The following KIAA1328 variants were observed in gnomAD, a reference collection of about 807,000 sequenced individuals.
The protein encoded by KIAA1328 is KIAA1328.
Under a neutral mutation model 68.1 loss-of-function variants are expected in KIAA1328, and 52 were observed. That is an observed-to-expected ratio of 0.76 (90% CI 0.61 to 0.96). KIAA1328 has a LOEUF of 0.96. KIAA1328 is among the 40% of genes least tolerant of loss of function. The pLI is 0.00. For missense variants in KIAA1328, 641 were observed against 677.6 expected (o/e 0.95, Z 0.60); for synonymous variants, 232 against 239.4 (o/e 0.97, Z 0.28).
intron 6 of KIAA1328, among the ~76,000 whole-genome samples, chr18:36,961,540 GA>G (rs947198039): frequency 3.3e-5 from 5 of 152,074 alleles, no homozygotes; most frequent in African/African-American, 1.2e-4. Flanking sequence ...TGAAATGAAG[GA>G]AAAAATGTTA....
chr18:37,189,724 A>C (rs567266621), intron 9 of KIAA1328, among the ~76,000 whole-genome samples: 1 of 152,144 alleles, frequency 6.6e-6, no homozygotes, highest in Non-Finnish European at 1.5e-5. Flanking sequence ...GGCTATTTAT[A>C]TGGGTTAGGG....
rs150041236 is a variant in KIAA1328 at position 37,205,847 on chromosome 18, G to C, written c.1524-16170G>C. Among the ~76,000 whole-genome samples the C allele has an allele frequency of 2.9e-3, 437 of 152,228 alleles. 3 individuals carry two copies. The highest frequency in any genetic ancestry group is 0.01 in the African/African-American group (418 of 41,548). On this transcript the variant is annotated intron_variant, in intron 9 of 9. Transcript: ENST00000280020. ...ATGAGGTCCAGCAGGGCATTAAAAGGGTATTGTCTAATATTGGGTAAAGGT... is the reference window on the plus strand; with the variant it reads ...ATGAGGTCCAGCAGGGCATTAAAAGCGTATTGTCTAATATTGGGTAAAGGT...
At chr18:37,193,619 C>A (rs189103774) in intron 9 of KIAA1328, 1 of 702,586 alleles carries the variant, frequency 1.4e-6, no homozygotes, top group Admixed American at 2.0e-5. Context: ...GATCTGCTTC[C>A]TTTCAAATCA....
At chr18:37,227,499 A>G (rs1188876321), downstream of KIAA1328, among the ~76,000 whole-genome samples, 1 of 152,218 alleles carries the variant, frequency 6.6e-6, no homozygotes, top group East Asian at 1.9e-4. Context: ...GCCAATGCCC[A>G]TTTACAATTC....
chr18:37,216,998 T>G (rs892360125), intron 9 of KIAA1328, among the ~76,000 whole-genome samples: 50 of 150,240 alleles, frequency 3.3e-4, no homozygotes, highest in East Asian at 3.9e-4. Flanking sequence ...TTGTTTGTTT[T>G]TTTTTTGCTT....
In KIAA1328 at chr18:37,224,425, T is replaced by C; in HGVS notation, c.*2198T>C. 1 of 985,402 alleles carries C rather than the reference T, an allele frequency of 1.0e-6. No homozygotes were observed. Among genetic ancestry groups the C allele is most frequent in the Non-Finnish European group, 1.2e-6 (1 of 829,926 alleles). 61.0% of individuals were successfully genotyped at this position (985,402 alleles called of 1,614,324 possible). On this transcript the variant is annotated 3_prime_UTR_variant, in exon 10 of 10. Transcript: ENST00000280020. ...GCAGAGATGGGCTTTCAGCAGAATATCAACCAATACATTTTTCACATGCAA... is the reference window on the plus strand; with the variant it reads ...GCAGAGATGGGCTTTCAGCAGAATACCAACCAATACATTTTTCACATGCAA...
At chr18:36,954,192 C>CG (rs946732601) in intron 5 of KIAA1328, among the ~76,000 whole-genome samples, 9 of 151,774 alleles carry the variant, frequency 5.9e-5, no homozygotes, top group Admixed American at 5.3e-4. Flanking sequence ...TTAGTAGAGA[C>CG]GGGGTTTCAC....
chr18:37,022,541 G>A (rs570194093), intron 6 of KIAA1328, among the ~76,000 whole-genome samples: 45 of 152,248 alleles, frequency 3.0e-4, no homozygotes, highest in African/African-American at 9.4e-4. Context: ...CTTACAGAAG[G>A]CTGATATTTA....
chr18:36,984,184 A>G (rs2052811950), intron 6 of KIAA1328, among the ~76,000 whole-genome samples: 1 of 152,186 alleles, frequency 6.6e-6, no homozygotes, highest in African/African-American at 2.4e-5. Flanking sequence ...GGTTTCCCCC[A>G]GTGGTCAGGA....
At chr18:37,062,007 C>T (rs572181647) in intron 6 of KIAA1328, among the ~76,000 whole-genome samples, 1 of 152,252 alleles carries the variant, frequency 6.6e-6, no homozygotes, top group East Asian at 1.9e-4. Context: ...CTTTTGAATA[C>T]TAACTTTATG....
intron 8 of KIAA1328, among the ~76,000 whole-genome samples, chr18:37,165,892 T>TTCC (rs2059380087): frequency 1.3e-5 from 2 of 152,050 alleles, no homozygotes; most frequent in Admixed American, 1.3e-4. Flanking sequence ...CTGAGAAAGT[T>TTCC]TCCTCCTAGT....
intron 4 of KIAA1328, among the ~76,000 whole-genome samples, chr18:36,882,923 AT>A (rs1366960675): frequency 6.6e-6 from 1 of 152,174 alleles, no homozygotes; most frequent in African/African-American, 2.4e-5. Flanking sequence ...CATTCTTCAT[AT>A]CTACATATGG....
At chr18:36,901,901 AG>A (rs1393846955) in intron 5 of KIAA1328, 8 of 152,102 alleles carry the variant, frequency 5.3e-5, no homozygotes, top group African/African-American at 1.7e-4. Flanking sequence ...AGGAGTTGCC[AG>A]GCAAGAAATA....
At chr18:36,946,064 T>C (rs1410222669) in intron 5 of KIAA1328, among the ~76,000 whole-genome samples, 2 of 152,132 alleles carry the variant, frequency 1.3e-5, no homozygotes, top group Non-Finnish European at 2.9e-5. Context: ...CATTTCAGAG[T>C]TTGGAGTATT....
intron 6 of KIAA1328, among the ~76,000 whole-genome samples, chr18:37,022,930 AT>A (rs1360895237): frequency 9.2e-5 from 14 of 152,344 alleles, no homozygotes; most frequent in African/African-American, 3.4e-4. Flanking sequence ...ATTTGAGTAT[AT>A]TGCTATACAA....
chr18:36,939,045 GT>G (rs1363306667), intron 5 of KIAA1328, among the ~76,000 whole-genome samples: 2 of 151,910 alleles, frequency 1.3e-5, no homozygotes, highest in Non-Finnish European at 2.9e-5. Flanking sequence ...CTTTGTTCTT[GT>G]TGCTCAAAAC....
At chr18:37,069,376 C>T (rs2056453390) in intron 7 of KIAA1328, among the ~76,000 whole-genome samples, 1 of 151,878 alleles carries the variant, frequency 6.6e-6, no homozygotes, top group African/African-American at 2.4e-5. Flanking sequence ...TCTCATGCCT[C>T]AGCCTCCCAA....
At chr18:36,897,073 G>C (rs2048889765) in intron 5 of KIAA1328, among the ~76,000 whole-genome samples, 1 of 152,024 alleles carries the variant, frequency 6.6e-6, no homozygotes, top group Non-Finnish European at 1.5e-5. Context: ...TTTTTCAGAA[G>C]TAGTGAATAT....
chr18:37,102,281 CA>C (rs2057643859), intron 7 of KIAA1328, among the ~76,000 whole-genome samples: 1 of 152,086 alleles, frequency 6.6e-6, no homozygotes, highest in South Asian at 2.1e-4. Context: ...AGGCGTGATT[CA>C]GGGGAGGGAC....
Sources: gnomAD v4.1 joint callset for allele counts (sites outside exome capture counted in the v4.1 genomes callset) on GRCh38, gnomAD v4.1.1 for gene constraint, MANE v1.5 for transcripts, NCBI Gene and HGNC (gene_info 2026-07-23, HGNC 2026-07-21) for gene names.